The following PRPF18 variants were observed in gnomAD, a reference collection of about 807,000 sequenced individuals.
PRPF18 encodes the protein pre-mRNA processing factor 18, also known as pre-mRNA-splicing factor 18.
In PRPF18, 38 loss-of-function variants were observed where a neutral mutation model predicts 46.5. That is an observed-to-expected ratio of 0.82 (90% confidence interval 0.63 to 1.07). The LOEUF is 1.07. Ranked by LOEUF, PRPF18 falls within the 50% of genes least tolerant of loss-of-function variation. The pLI is 0.00. For synonymous variants in PRPF18, 152 were observed against 146.7 expected (o/e 1.04, Z -0.26); for missense variants, 263 against 410.0 (o/e 0.64, Z 3.10).
At chr10:13,611,060 G>T (rs151210800) in intron 5 of PRPF18, among the ~76,000 whole-genome samples, 31 of 152,140 alleles carry the variant, frequency 2.0e-4, no homozygotes, top group Non-Finnish European at 3.7e-4. Flanking sequence ...GCTCTTGTAT[G>T]TGTAGCTGTC....
At chr10:13,651,097 C>A in the PRPF18 span, 1 of 152,216 alleles carries the variant, frequency 6.6e-6, no homozygotes, top group East Asian at 1.9e-4. Flanking sequence ...TGTTATCTGC[C>A]CCTGTGCTTT....
At chr10:13,646,879 G>T in the PRPF18 span, 1 of 351,106 alleles carries the variant, frequency 2.8e-6, no homozygotes, top group Non-Finnish European at 4.0e-6. Context: ...CAAATGAGAG[G>T]CAGTGAGGTG....
chr10:13,648,326 T>A, the PRPF18 span: 3 of 152,188 alleles, frequency 2.0e-5, no homozygotes, highest in Admixed American at 2.0e-4. Flanking sequence ...GCAAACTTTG[T>A]CTCCACCCTA....
At chr10:13,602,077 CA>C (rs1415282232) in intron 3 of PRPF18, among the ~76,000 whole-genome samples, 1 of 152,164 alleles carries the variant, frequency 6.6e-6, no homozygotes, top group African/African-American at 2.4e-5. Context: ...GAAGCTGTGC[CA>C]ATTTACATTC....
the PRPF18 span, chr10:13,653,186 T>A: frequency 0.23 from 35,225 of 152,022 alleles, 4,653 homozygotes; most frequent in Middle Eastern, 0.32. Context: ...AAATGAAGGC[T>A]CCAGAAAACC....
the PRPF18 span, among the ~76,000 whole-genome samples, chr10:13,650,220 T>A: frequency 6.6e-6 from 1 of 152,176 alleles, no homozygotes; most frequent in African/African-American, 2.4e-5. Context: ...AATTATTTTT[T>A]TAAACGTATA....
At chr10:13,590,697 C>G (rs1267676571) in intron 1 of PRPF18, among the ~76,000 whole-genome samples, 1 of 151,114 alleles carries the variant, frequency 6.6e-6, no homozygotes, top group African/African-American at 2.4e-5. Flanking sequence ...TATGTGTTTT[C>G]TAACTTGTAC....
At chr10:13,629,801 A>C (rs1191429510) in intron 9 of PRPF18, among the ~76,000 whole-genome samples, 1 of 152,212 alleles carries the variant, frequency 6.6e-6, no homozygotes, top group African/African-American at 2.4e-5. Flanking sequence ...CAAACATGAT[A>C]CATAAATAGT....
chr10:13,634,470 C>T (rs532602741), downstream of PRPF18, among the ~76,000 whole-genome samples: 6 of 152,368 alleles, frequency 3.9e-5, no homozygotes, highest in South Asian at 1.2e-3. Context: ...ATCCGCTGTC[C>T]TGGCCTTCCT....
Position 13,600,225 on chromosome 10 carries a change from CT to C in PRPF18, c.145-15del. On this transcript the variant is annotated intron_variant, in intron 2 of 9. Coordinates refer to ENST00000378572, the MANE Select transcript of PRPF18 (RefSeq NM_003675.4). ...ATATTTTTAAAGCTGAATTTCATTT[CT>C]TTTGGCTATTAATATAGATACAGCC... The C allele has an allele frequency of 6.5e-7, 1 of 1,535,532 alleles. No homozygotes were observed. The highest frequency in any genetic ancestry group is 8.9e-7 in the Non-Finnish European group (1 of 1,128,198).
chr10:13,614,184 A>G, intron 8 of PRPF18, 98 bp downstream of exon 8: 1 of 934,266 alleles, frequency 1.1e-6, no homozygotes, highest in Non-Finnish European at 1.5e-6. Flanking sequence ...TACATAGTAG[A>G]TTTAAGAATA....
rs1207235889 is a variant in PRPF18 at position 13,630,446 on chromosome 10, G to A, written c.*106G>A. The A allele has an allele frequency of 2.3e-6, 2 of 867,684 alleles. No individual in the cohort carries two copies. The highest frequency in any genetic ancestry group is 3.6e-6 in the Non-Finnish European group (2 of 561,580). The allele number at this position is 867,684 out of a possible 1,614,324, so 53.7% of individuals were successfully genotyped here. On this transcript the variant is annotated 3_prime_UTR_variant, in exon 10 of 10. Coordinates refer to ENST00000378572, the MANE Select transcript of PRPF18 (RefSeq NM_003675.4). Reference sequence around the variant, plus strand: ...GGAAAGAAGAAAACTGGAGTTTCCAGTCTCTGAGTTCTACCTGATGTAACT... The same window carrying A: ...GGAAAGAAGAAAACTGGAGTTTCCAATCTCTGAGTTCTACCTGATGTAACT...
intron 1 of PRPF18, among the ~76,000 whole-genome samples, chr10:13,595,450 T>C (rs1272559403): frequency 6.6e-6 from 1 of 152,208 alleles, no homozygotes; most frequent in African/African-American, 2.4e-5. Context: ...GCCAACTTAT[T>C]TGAAATATGA....
intron 1 of PRPF18, chr10:13,592,117 T>C: frequency 1.7e-6 from 1 of 585,602 alleles, no homozygotes; most frequent in South Asian, 1.6e-5. Context: ...TACTTCCTCT[T>C]ATACACAGCT....
At chr10:13,587,300 A>G in intron 1 of PRPF18, 148 bp downstream of exon 1, 1 of 804,102 alleles carries the variant, frequency 1.2e-6, no homozygotes, top group Non-Finnish European at 2.1e-6. Context: ...AGGCCCCCTT[A>G]GATCCAACCC....
At chr10:13,625,844 C>T (rs1475210379) in intron 9 of PRPF18, among the ~76,000 whole-genome samples, 1 of 152,242 alleles carries the variant, frequency 6.6e-6, no homozygotes, top group Non-Finnish European at 1.5e-5. Context: ...TATTGTCCAA[C>T]TCAGAATTCT....
the PRPF18 span, chr10:13,654,104 A>C: frequency 1.9e-6 from 1 of 520,060 alleles, no homozygotes; most frequent in Non-Finnish European, 3.3e-6. Flanking sequence ...GTATAATCCA[A>C]ACCGAAATGA....
chr10:13,639,556 G>GT, the PRPF18 span: 1 of 151,960 alleles, frequency 6.6e-6, no homozygotes, highest in Admixed American at 6.6e-5. Context: ...CCTTTATAGA[G>GT]TTTTTTAAAA....
the PRPF18 span, chr10:13,637,717 T>C: frequency 6.6e-6 from 1 of 152,254 alleles, no homozygotes; most frequent in Non-Finnish European, 1.5e-5. Flanking sequence ...CAATAGATTT[T>C]ATAAAAATCA....
Sources: allele counts gnomAD v4.1 joint callset (sites outside exome capture counted in the v4.1 genomes callset), GRCh38; gene constraint gnomAD v4.1.1; transcripts MANE v1.5; gene names NCBI Gene and HGNC (gene_info 2026-07-23, HGNC 2026-07-21).